The following TP63 variants were observed in gnomAD, a reference collection of about 807,000 sequenced individuals.
TP63 encodes tumor protein 63.
Under a neutral mutation model 82.8 loss-of-function variants are expected in TP63, and 17 were observed. The ratio of observed to expected loss-of-function variants is 0.21; its 90% confidence interval spans 0.14 to 0.31. The LOEUF (loss-of-function observed/expected upper bound fraction) is 0.31. TP63 is among the 10% of genes least tolerant of loss of function. The pLI is 1.00. For synonymous variants in TP63, 330 were observed against 321.7 expected (o/e 1.03, Z -0.28); for missense variants, 648 against 895.3 (o/e 0.72, Z 3.52).
At chr3:189,623,866 T>A in the TP63 span, among the ~76,000 whole-genome samples, 3 of 152,206 alleles carry the variant, frequency 2.0e-5, no homozygotes, top group Admixed American at 6.6e-5. Context: ...TGTTTCCTTT[T>A]ATTCGTTCAA....
intron 3 of TP63, among the ~76,000 whole-genome samples, chr3:189,747,381 T>G (rs1269839844): frequency 6.6e-6 from 1 of 152,034 alleles, no homozygotes; most frequent in Non-Finnish European, 1.5e-5. Context: ...TTTTAAAAAT[T>G]GAAATTACAT....
At chr3:189,837,322 TAA>T (rs1349575625) in intron 4 of TP63, among the ~76,000 whole-genome samples, 2 of 152,092 alleles carry the variant, frequency 1.3e-5, no homozygotes, top group Non-Finnish European at 2.9e-5. Context: ...ACCAGAAACT[TAA>T]GAGTTGTTAT....
intron 4 of TP63, among the ~76,000 whole-genome samples, chr3:189,854,712 T>C (rs1448566726): frequency 6.6e-6 from 1 of 152,236 alleles, no homozygotes; most frequent in African/African-American, 2.4e-5. Flanking sequence ...GGCTATATCT[T>C]GCTATGTTCA....
At chr3:189,771,311 ATATAT>A (rs939447539) in intron 3 of TP63, among the ~76,000 whole-genome samples, 14 of 138,108 alleles carry the variant, frequency 1.0e-4, no homozygotes, top group South Asian at 2.1e-4. Flanking sequence ...TATATATATA[ATATAT>A]TATATATTTA....
chr3:189,812,612 A>G (rs1727695337), intron 4 of TP63, among the ~76,000 whole-genome samples: 1 of 152,194 alleles, frequency 6.6e-6, no homozygotes, highest in Non-Finnish European at 1.5e-5. Flanking sequence ...CCAAAAATTC[A>G]ATCTCTCTAA....
chr3:189,789,663 G>A, intron 3 of TP63: 2 of 1,448,998 alleles, frequency 1.4e-6, no homozygotes, highest in Non-Finnish European at 1.8e-6. Flanking sequence ...TATGTACAGA[G>A]AGAGAAAGAG....
At chr3:189,687,329 C>T (rs1716528110) in intron 1 of TP63, among the ~76,000 whole-genome samples, 1 of 152,162 alleles carries the variant, frequency 6.6e-6, no homozygotes, top group Admixed American at 6.5e-5. Flanking sequence ...ACAATCCAAT[C>T]CCATCATTTT....
chr3:189,806,040 C>CT (rs34836784), intron 3 of TP63, among the ~76,000 whole-genome samples: 19,182 of 52,010 alleles, frequency 0.37, 6,444 homozygotes, highest in African/African-American at 0.51. Context: ...GAAGCAAACA[C>CT]TTTTTTTTTT....
At chr3:189,743,034 A>T (rs985759792) in intron 3 of TP63, among the ~76,000 whole-genome samples, 4 of 152,186 alleles carry the variant, frequency 2.6e-5, no homozygotes, top group African/African-American at 7.2e-5. Context: ...AAGACTAAAA[A>T]AATTGACTAA....
At chr3:189,615,695 C>T in the TP63 span, among the ~76,000 whole-genome samples, 5 of 152,174 alleles carry the variant, frequency 3.3e-5, no homozygotes, top group Admixed American at 6.5e-5. Flanking sequence ...ACAAGATAGC[C>T]AGGCCATTGG....
chr3:189,880,368 T>C (rs1197210963), intron 10 of TP63: 8 of 1,224,254 alleles, frequency 6.5e-6, no homozygotes, highest in Non-Finnish European at 8.2e-6. Context: ...ACTCAAACCT[T>C]TACAAGAAAG....
At chr3:189,672,696 GGAAGGAAGGAAA>G (rs1715026493) in intron 1 of TP63, among the ~76,000 whole-genome samples, 1 of 113,056 alleles carries the variant, frequency 8.8e-6, no homozygotes, top group Non-Finnish European at 2.1e-5. Context: ...AAGGAAGGAA[GGAAGGAAGGAAA>G]GAAGGAAGGC....
chr3:189,844,836 T>C (rs138607408), intron 4 of TP63, among the ~76,000 whole-genome samples: 1 of 152,302 alleles, frequency 6.6e-6, no homozygotes, highest in East Asian at 1.9e-4. Flanking sequence ...TATCAAAAGT[T>C]ATTGTTGGAC....
At chr3:189,751,784 G>C (rs1231383180) in intron 3 of TP63, among the ~76,000 whole-genome samples, 1 of 152,136 alleles carries the variant, frequency 6.6e-6, no homozygotes, top group Non-Finnish European at 1.5e-5. Context: ...TGTTCTCTCT[G>C]ATGATAGTTT....
chr3:189,894,117 G>C, intron 13 of TP63, 89 bp from the exon 14 acceptor site: 1 of 1,483,014 alleles, frequency 6.7e-7, no homozygotes, highest in Non-Finnish European at 9.3e-7. Flanking sequence ...AATTAAACCA[G>C]AGCATCAGGG....
intron 10 of TP63, chr3:189,873,341 T>A (rs1390567193): frequency 6.0e-5 from 21 of 352,206 alleles, no homozygotes; most frequent in Non-Finnish European, 6.0e-5. Context: ...TTTGAAAACA[T>A]GAAATCTTTT....
chr3:189,785,846 A>G lies in TP63; in HGVS notation c.325-22426A>G, dbSNP rs372339489. Among the ~76,000 whole-genome samples, 5 of 152,152 alleles carry G rather than the reference A, an allele frequency of 3.3e-5. No homozygotes were observed. In the South Asian group the frequency reaches 6.2e-4, roughly 19 times the overall value. ...ATATAGTGAGGGAGCTCTAGCAGGG[A>G]GGAAAGAAAGTGGAGACATTGCTGT... On this transcript the variant is annotated intron_variant, in intron 3 of 13. Coordinates refer to ENST00000264731, the MANE Select transcript of TP63 (RefSeq NM_003722.5).
intron 4 of TP63, among the ~76,000 whole-genome samples, chr3:189,829,404 C>G (rs9873617): frequency 0.35 from 52,612 of 152,058 alleles, 9,331 homozygotes; most frequent in East Asian, 0.51. Flanking sequence ...AGTTAGCATC[C>G]AACTATCAAT....
chr3:189,765,433 C>CTGTTTTTTTTTTT (rs1722869780), intron 3 of TP63, among the ~76,000 whole-genome samples: 1 of 30,088 alleles, frequency 3.3e-5, no homozygotes, highest in African/African-American at 1.2e-4. Flanking sequence ...CTGTCCTCTG[C>CTGTTTTTTTTTTT]TTTTTTTTTT....
Sources: allele counts gnomAD v4.1 joint callset (sites outside exome capture counted in the v4.1 genomes callset), GRCh38; gene constraint gnomAD v4.1.1; transcripts MANE v1.5; gene names NCBI Gene and HGNC (gene_info 2026-07-23, HGNC 2026-07-21).